ADAMTS9: variants seen among roughly 807,000 people sequenced by gnomAD.
ADAMTS9 encodes ADAM metallopeptidase with thrombospondin type 1 motif 9, also known as A disintegrin and metalloproteinase with thrombospondin motifs 9.
In ADAMTS9, 107 loss-of-function variants were observed where a neutral mutation model predicts 257.1. The ratio of observed to expected loss-of-function variants is 0.42; its 90% CI spans 0.36 to 0.49. The LOEUF is 0.49. Ranked by LOEUF, ADAMTS9 falls within the 20% of genes least tolerant of loss-of-function variation. The probability of loss-of-function intolerance (pLI) is 0.03; values close to 1 mark genes in which losing one functional copy is unlikely to be tolerated. For synonymous variants in ADAMTS9, 982 were observed against 880.9 expected (o/e 1.11, Z -2.03); for missense variants, 2,353 against 2,469.1 (o/e 0.95, Z 1.00).
intron 16 of ADAMTS9, among the ~76,000 whole-genome samples, chr3:64,625,498 C>A (rs939276619): frequency 6.6e-6 from 1 of 152,146 alleles, no homozygotes; most frequent in African/African-American, 2.4e-5. Context: ...GCAGCAGGAT[C>A]CTTAATTTTC....
rs1382094117 is a variant in ADAMTS9 at position 64,654,826 on chromosome 3, T to C, written c.1170-214A>G. On this transcript the variant is annotated intron_variant, in intron 6 of 39. Transcript: ENST00000498707. ...ACTACTACATTAAGAAGTTTTCTTC[T>C]GTGGTCAGGGCGGTCACAGAGCAGT... is the stretch of plus-strand genomic sequence containing the variant. 8.6e-6 allele frequency: 5 copies of C among 582,376 alleles called. 1 individual carries two copies. The highest frequency in any genetic ancestry group is 2.3e-5 in the South Asian group (1 of 43,762). The allele number at this position is 582,376 out of a possible 1,614,324, so 36.1% of individuals were successfully genotyped here. A position where few individuals can be genotyped will look rare whatever the true frequency, so the allele number is the denominator to read the frequency against.
At chr3:64,557,757 G>C (rs760265796) in intron 30 of ADAMTS9, among the ~76,000 whole-genome samples, 1 of 152,216 alleles carries the variant, frequency 6.6e-6, no homozygotes, top group Non-Finnish European at 1.5e-5. Flanking sequence ...GTGAAGTCTA[G>C]AAATTCAGAG....
At chr3:64,622,954 G>C (rs1022923742) in intron 16 of ADAMTS9, among the ~76,000 whole-genome samples, 1 of 152,190 alleles carries the variant, frequency 6.6e-6, no homozygotes, top group Non-Finnish European at 1.5e-5. Flanking sequence ...ATATGCATTA[G>C]TGAACGGAAC....
intron 22 of ADAMTS9, among the ~76,000 whole-genome samples, chr3:64,607,384 C>G (rs1403570037): frequency 9.2e-5 from 14 of 152,316 alleles, no homozygotes; most frequent in Non-Finnish European, 1.6e-4. Flanking sequence ...TTTCACACTA[C>G]CTAGCAGAGT....
rs1700375755 is a variant in ADAMTS9, at chr3:64,631,911, A to G, written c.2190T>C (p.Asp730=). 6.2e-7 allele frequency: 1 copy of G among 1,613,550 alleles called. No homozygotes were observed. The highest frequency in any genetic ancestry group is 8.5e-7 in the Non-Finnish European group (1 of 1,179,624). The change falls in exon 15 of 40, where the codon GAT becomes GAC. Residue 730 remains aspartate (D), a synonymous_variant. Coordinates refer to ENST00000498707, the MANE Select transcript of ADAMTS9 (RefSeq NM_182920.2). Reference sequence around the variant, plus strand: ...TCCGGGCTTTTGAGTTTAAAACATGATCGCATCCAGCTTGCTTTTAAAAAG... The same window carrying G: ...TCCGGGCTTTTGAGTTTAAAACATGGTCGCATCCAGCTTGCTTTTAAAAAG... The part of the protein sequence containing the change: ...VQGLCRQAGC[D]HVLNSKARRD...
At chr3:64,552,053 A>T (rs969272515) in intron 30 of ADAMTS9, among the ~76,000 whole-genome samples, 3 of 152,238 alleles carry the variant, frequency 2.0e-5, no homozygotes, top group Non-Finnish European at 2.9e-5. Flanking sequence ...AGAGGAGCTT[A>T]TATGTTAGTA....
Position 64,516,512 on chromosome 3 carries a change from C to T in ADAMTS9, c.*615G>A, listed in dbSNP as rs77001768. 0.037 allele frequency: 5,609 copies of T among 152,602 alleles called. 647 individuals are homozygous for T. Among genetic ancestry groups the T allele is most frequent in the Admixed American group, 0.24 (3,680 of 15,254 alleles). 9.5% of individuals were successfully genotyped at this position (152,602 alleles called of 1,614,324 possible). A position where few individuals can be genotyped will look rare whatever the true frequency, so the allele number is the denominator to read the frequency against. On this transcript the variant is annotated 3_prime_UTR_variant, in exon 40 of 40. Transcript: ENST00000498707. ...ATTAAAAGTGTTTATATTTCTGAGT[C>T]GGATGATCATTTAAATACATACAAT...
intron 24 of ADAMTS9, 42 bp downstream of exon 24, chr3:64,604,184 GC>G: frequency 6.3e-7 from 1 of 1,599,816 alleles, no homozygotes; most frequent in Middle Eastern, 1.7e-4. Context: ...GAGAATGTTA[GC>G]CCCCATCCTG....
At position 64,516,857 on chromosome 3, in the gene ADAMTS9, T is replaced by A. The variant is rs2082781312; in HGVS notation, c.*270A>T. On this transcript the variant is annotated 3_prime_UTR_variant, in exon 40 of 40. Coordinates refer to ENST00000498707, the MANE Select transcript of ADAMTS9 (RefSeq NM_182920.2). Reference sequence around the variant, plus strand: ...GCAGTCATAATAGAATCATTTTACGTACAAAAATATTACATCACAATAAAT... The same window carrying A: ...GCAGTCATAATAGAATCATTTTACGAACAAAAATATTACATCACAATAAAT... 6.6e-6 allele frequency: 1 copy of A among 152,634 alleles called. No individual in the cohort carries two copies. The highest frequency in any genetic ancestry group is 2.1e-4 in the South Asian group (1 of 4,830). The allele number at this position is 152,634 out of a possible 1,614,324, so 9.5% of individuals were successfully genotyped here.
intron 11 of ADAMTS9, among the ~76,000 whole-genome samples, chr3:64,643,235 T>C (rs1576153538): frequency 6.6e-6 from 1 of 151,952 alleles, no homozygotes; most frequent in East Asian, 1.9e-4. Context: ...TCTTAGAAAA[T>C]ATACATATAA....
chr3:64,611,675 G>A (rs901232619), intron 22 of ADAMTS9, among the ~76,000 whole-genome samples: 1 of 152,112 alleles, frequency 6.6e-6, no homozygotes, highest in Non-Finnish European at 1.5e-5. Context: ...TCACAATACG[G>A]TTTGCACTCC....
chr3:64,542,540 G>A (rs2083139732), intron 32 of ADAMTS9, among the ~76,000 whole-genome samples: 4 of 150,268 alleles, frequency 2.7e-5, no homozygotes, highest in Non-Finnish European at 4.4e-5. Context: ...CGATTCTCCT[G>A]CCTCAGACTC....
Position 64,550,949 on chromosome 3 carries a change from A to C in ADAMTS9, c.4812T>G (p.Arg1604=). The change falls in exon 31 of 40, where the codon CGT becomes CGG. Residue 1604 remains arginine, a synonymous_variant. Transcript: ENST00000498707. ...CGCAGGGTTGCAAACTACAGCTTTC[A>C]CGGTCCACCGGCCGCTTGCTCACGT... is the stretch of plus-strand genomic sequence containing the variant. ...RCDVSKRPVD[R]ESCSLQPCEY... The C allele has an allele frequency of 6.2e-7, 1 of 1,614,136 alleles. No homozygotes were observed. The highest frequency in any genetic ancestry group is 8.5e-7 in the Non-Finnish European group (1 of 1,180,018).
intron 16 of ADAMTS9, among the ~76,000 whole-genome samples, chr3:64,630,747 G>A (rs1009584396): frequency 9.9e-5 from 15 of 152,140 alleles, no homozygotes; most frequent in African/African-American, 2.9e-4. Flanking sequence ...TAACAAACCC[G>A]CACATCTTGA....
chr3:64,542,477 G>A lies in ADAMTS9; in HGVS notation c.5065-507C>T, dbSNP rs375543681. ...AGTTTTGCTCTTGTTGCCTAGGCCGGAGTGCAATGGCACAATCACAGCTCA... is the reference window on the plus strand; with the variant it reads ...AGTTTTGCTCTTGTTGCCTAGGCCGAAGTGCAATGGCACAATCACAGCTCA... On this transcript the variant is annotated intron_variant, in intron 32 of 39. Transcript: ENST00000498707. Among the ~76,000 whole-genome samples the A allele has an allele frequency of 1.0e-4, 15 of 144,222 alleles. No individual in the cohort carries two copies. In the South Asian group the frequency reaches 1.9e-3, roughly 19 times the overall value. The allele number at this position is 144,222 out of a possible 152,430, so 94.6% of individuals were successfully genotyped here.
chr3:64,546,598 A>G (rs80112229), intron 32 of ADAMTS9, among the ~76,000 whole-genome samples, 160 bp downstream of exon 32: 6,245 of 152,290 alleles, frequency 0.041, 715 homozygotes, highest in Admixed American at 0.25. Flanking sequence ...TGGTAAACAG[A>G]AAGAAGTCCC....
Position 64,631,872 on chromosome 3 carries a change from C to G in ADAMTS9, c.2229G>C (p.Gly743=). 6.2e-7 allele frequency: 1 copy of G among 1,613,998 alleles called. No homozygotes were observed. Residue 743 remains glycine, a synonymous_variant, in exon 15 of 40, where the codon GGG becomes GGC. Transcript: ENST00000498707. ...LNSKARRDKC[G]VCGGDNSSCK... Reference sequence around the variant, plus strand: ...ATGAAGAATTATCGCCACCACAAACCCCACATTTATCTCTCCGGGCTTTTG... The same window carrying G: ...ATGAAGAATTATCGCCACCACAAACGCCACATTTATCTCTCCGGGCTTTTG...
At chr3:64,595,592 T>C (rs2084351025) in intron 27 of ADAMTS9, among the ~76,000 whole-genome samples, 2 of 152,234 alleles carry the variant, frequency 1.3e-5, no homozygotes, top group Non-Finnish European at 2.9e-5. Context: ...AAATCCACAA[T>C]ACATGAGTCA....
chr3:64,599,773 G>A (rs2106803221), intron 26 of ADAMTS9, among the ~76,000 whole-genome samples: 1 of 152,350 alleles, frequency 6.6e-6, no homozygotes, highest in East Asian at 1.9e-4. Flanking sequence ...CCAAATGTGT[G>A]CGGCCACCTG....
Sources: allele counts gnomAD v4.1 joint callset (sites outside exome capture counted in the v4.1 genomes callset), GRCh38; gene constraint gnomAD v4.1.1; transcripts MANE v1.5; gene names NCBI Gene and HGNC (gene_info 2026-07-23, HGNC 2026-07-21).